ARHGAP24: variants seen among roughly 807,000 people sequenced by gnomAD.
ARHGAP24 encodes Rho GTPase activating protein 24, also known as rho GTPase-activating protein 24.
Under a neutral mutation model 76.4 loss-of-function variants are expected in ARHGAP24, and 50 were observed. The ratio of observed to expected loss-of-function variants is 0.65; its 90% CI spans 0.52 to 0.83. The LOEUF (loss-of-function observed/expected upper bound fraction) is 0.83. Ranked by LOEUF, ARHGAP24 falls within the 40% of genes least tolerant of loss-of-function variation. The probability of loss-of-function intolerance (pLI) is 0.00; values close to 1 mark genes in which losing one functional copy is unlikely to be tolerated. For missense variants in ARHGAP24, 930 were observed against 914.2 expected (o/e 1.02, Z -0.22); for synonymous variants, 345 against 323.3 (o/e 1.07, Z -0.72).
intron 9 of ARHGAP24, 35 bp from the exon 10 acceptor site, chr4:86,000,444 T>TCCCC: frequency 3.2e-6 from 2 of 616,720 alleles, no homozygotes; most frequent in Non-Finnish European, 5.4e-6. Flanking sequence ...TACTCTTGCG[T>TCCCC]CCCCACCCCC....
chr4:85,942,766 T>C lies in ARHGAP24; in HGVS notation c.599+493T>C, dbSNP rs373307414. On this transcript the variant is annotated intron_variant, in intron 5 of 9. Coordinates refer to ENST00000395184, the MANE Select transcript of ARHGAP24 (RefSeq NM_001025616.3). ...GGAAACAAGGAGAAGTACAGCATGG[T>C]GAAAATAAAAGAATAATGGCAGCCC... Among the ~76,000 whole-genome samples, 4 of 152,140 alleles carry C rather than the reference T, an allele frequency of 2.6e-5. No individual in the cohort carries two copies. The East Asian group carries it at 5.8e-4, about 22-fold the overall frequency.
intron 3 of ARHGAP24, among the ~76,000 whole-genome samples, chr4:85,894,994 C>CA (rs1734081455): frequency 1.3e-4 from 2 of 15,250 alleles, no homozygotes; most frequent in African/African-American, 3.0e-4. Context: ...AAAAACAAAA[C>CA]AAAAAGCAAA....
chr4:85,836,146 A>G (rs998222444), intron 3 of ARHGAP24, among the ~76,000 whole-genome samples: 3 of 152,198 alleles, frequency 2.0e-5, no homozygotes, highest in African/African-American at 7.2e-5. Flanking sequence ...TTATCTGGGT[A>G]TGGGATGTTG....
intron 2 of ARHGAP24, among the ~76,000 whole-genome samples, chr4:85,705,255 ATTAT>A (rs1379446296): frequency 6.6e-6 from 1 of 152,114 alleles, no homozygotes; most frequent in African/African-American, 2.4e-5. Context: ...ATATTTAAAA[ATTAT>A]TTATAAAGTA....
chr4:85,613,080 G>A (rs1210945879), intron 2 of ARHGAP24, among the ~76,000 whole-genome samples: 1 of 152,000 alleles, frequency 6.6e-6, no homozygotes, highest in African/African-American at 2.4e-5. Context: ...TTACATGTGT[G>A]AGCCACCGCA....
chr4:85,656,426 A>G (rs549319217), intron 2 of ARHGAP24, among the ~76,000 whole-genome samples: 1 of 151,642 alleles, frequency 6.6e-6, no homozygotes, highest in Non-Finnish European at 1.5e-5. Flanking sequence ...AGGACTTTAG[A>G]ATCAATTAGT....
chr4:85,989,795 AGAT>A (rs138483511), intron 8 of ARHGAP24, among the ~76,000 whole-genome samples: 3,256 of 151,764 alleles, frequency 0.021, 134 homozygotes, highest in African/African-American at 0.076. Flanking sequence ...TCGCGGATGC[AGAT>A]AAAAAAATTG....
At chr4:85,582,863 A>G (rs766381190) in intron 2 of ARHGAP24, among the ~76,000 whole-genome samples, 16 of 152,154 alleles carry the variant, frequency 1.1e-4, no homozygotes, top group Admixed American at 2.6e-4. Context: ...ATAATTTAAG[A>G]AGCAATATTT....
intron 1 of ARHGAP24, among the ~76,000 whole-genome samples, chr4:85,499,469 G>T (rs13434421): frequency 6.6e-6 from 1 of 152,102 alleles, no homozygotes; most frequent in Non-Finnish European, 1.5e-5. Context: ...TCACCACTTC[G>T]TTTCCTGTTT....
intron 2 of ARHGAP24, among the ~76,000 whole-genome samples, chr4:85,667,516 C>T (rs145287941): frequency 6.6e-6 from 1 of 152,214 alleles, no homozygotes; most frequent in Non-Finnish European, 1.5e-5. Context: ...TGTCCTGCAC[C>T]CACTTTCTGG....
intron 2 of ARHGAP24, among the ~76,000 whole-genome samples, chr4:85,600,114 G>C (rs756826905): frequency 7.9e-5 from 12 of 152,148 alleles, no homozygotes; most frequent in Non-Finnish European, 1.6e-4. Context: ...TCTAGGTAGA[G>C]AGGTCCAGGG....
At chr4:85,694,337 G>A (rs11931466) in intron 2 of ARHGAP24, among the ~76,000 whole-genome samples, 6,365 of 151,832 alleles carry the variant, frequency 0.042, 428 homozygotes, top group African/African-American at 0.15. Flanking sequence ...AGGTGGTGCC[G>A]GAAGAACACG....
rs181037097 is a variant in ARHGAP24, at chr4:85,540,509, A to G, written c.-20-30013A>G. 2.7e-3 allele frequency among the ~76,000 whole-genome samples: 415 copies of G among 152,314 alleles called. 2 individuals are homozygous for G. The highest frequency in any genetic ancestry group is 4.6e-3 in the Non-Finnish European group (310 of 68,016). ...CTATAAGCAGCATATGTTTCTATCA[A>G]TTTTATTGGAGCATAGTTTACTACA... On this transcript the variant is annotated intron_variant, in intron 1 of 9. Transcript: ENST00000395184.
At chr4:85,633,702 C>A (rs78432531) in intron 2 of ARHGAP24, among the ~76,000 whole-genome samples, 1,770 of 151,888 alleles carry the variant, frequency 0.012, 43 homozygotes, top group African/African-American at 0.04. Context: ...CTTTAGCTTT[C>A]ATTCACTTTT....
At chr4:85,545,601 TC>T (rs539241951) in intron 1 of ARHGAP24, among the ~76,000 whole-genome samples, 42 of 152,260 alleles carry the variant, frequency 2.8e-4, no homozygotes, top group African/African-American at 8.4e-4. Flanking sequence ...CGTTACTGCT[TC>T]CAAGCTGCTG....
intron 3 of ARHGAP24, among the ~76,000 whole-genome samples, chr4:85,907,075 C>T (rs1382099338): frequency 6.6e-6 from 1 of 152,154 alleles, no homozygotes; most frequent in Non-Finnish European, 1.5e-5. Flanking sequence ...TACACGAACT[C>T]TTGCTTGCTC....
chr4:85,573,121 C>A (rs895818337), intron 2 of ARHGAP24, among the ~76,000 whole-genome samples: 4 of 152,142 alleles, frequency 2.6e-5, no homozygotes, highest in African/African-American at 4.8e-5. Context: ...AGATGATCCA[C>A]CTGCCTCAGC....
intron 2 of ARHGAP24, among the ~76,000 whole-genome samples, chr4:85,611,367 C>G (rs1421486261): frequency 6.6e-6 from 1 of 152,054 alleles, no homozygotes; most frequent in Admixed American, 6.5e-5. Flanking sequence ...CATGGAACAC[C>G]TTTGTCATAG....
chr4:85,761,039 T>C (rs1726713991), intron 3 of ARHGAP24, among the ~76,000 whole-genome samples: 1 of 152,184 alleles, frequency 6.6e-6, no homozygotes, highest in Non-Finnish European at 1.5e-5. Context: ...CTGCAGCCAT[T>C]GTACTGTCGA....
Sources: gnomAD v4.1 joint callset for allele counts (sites outside exome capture counted in the v4.1 genomes callset) on GRCh38, gnomAD v4.1.1 for gene constraint, MANE v1.5 for transcripts, NCBI Gene and HGNC (gene_info 2026-07-23, HGNC 2026-07-21) for gene names.